Variants in PRKAR2A observed in about 807,000 individuals in gnomAD.
PRKAR2A encodes the protein protein kinase cAMP-dependent type II regulatory subunit alpha, also known as cAMP-dependent protein kinase type II-alpha regulatory subunit.
In PRKAR2A, 29 loss-of-function variants were observed where a neutral mutation model predicts 51.9. That is an observed-to-expected ratio of 0.56 (90% confidence interval 0.42 to 0.76). PRKAR2A has a LOEUF of 0.76. Ranked by LOEUF, PRKAR2A falls within the 30% of genes least tolerant of loss-of-function variation. The pLI is 0.00. For missense variants in PRKAR2A, 445 were observed against 512.1 expected (o/e 0.87, Z 1.26); for synonymous variants, 178 against 186.2 (o/e 0.96, Z 0.36).
rs765609804 is a variant in PRKAR2A at position 48,800,104 on chromosome 3, C to T, written c.299-6055G>A. ...TGAACTCCTGACCTTGTGATCCACC[C>T]GCCTTGGCCTCCCAAAGTGCTGGGA... On this transcript the variant is annotated intron_variant, in intron 2 of 10. Coordinates refer to ENST00000265563, the MANE Select transcript of PRKAR2A (RefSeq NM_004157.4). Among the ~76,000 whole-genome samples, 3 of 151,836 alleles carry T rather than the reference C, an allele frequency of 2.0e-5. No individual in the cohort carries two copies. In the East Asian group the frequency reaches 5.9e-4, roughly 30 times the overall value.
At chr3:48,818,656 A>C (rs1364438540) in intron 1 of PRKAR2A, among the ~76,000 whole-genome samples, 2 of 152,030 alleles carry the variant, frequency 1.3e-5, no homozygotes, top group African/African-American at 4.8e-5. Context: ...TGGGAGGCTG[A>C]GGTGGGAGGA....
Position 48,783,121 on chromosome 3 carries a change from T to C in PRKAR2A, c.436-29A>G, listed in dbSNP as rs374213032. On this transcript the variant is annotated intron_variant, in intron 4 of 10. Transcript: ENST00000265563. ...CAGGGTATGCACAAGAAGAAAAAAA[T>C]AGCCTTTACATATGCTGAAAAAAAG... The C allele has an allele frequency of 8.6e-4, 1,262 of 1,462,986 alleles. 21 individuals carry two copies. The South Asian group carries it at 0.013, about 15-fold the overall frequency. 90.6% of individuals were successfully genotyped at this position (1,462,986 alleles called of 1,614,324 possible).
At chr3:48,800,192 T>C (rs1028159161) in intron 2 of PRKAR2A, among the ~76,000 whole-genome samples, 6 of 150,800 alleles carry the variant, frequency 4.0e-5, no homozygotes, top group Admixed American at 2.0e-4. Flanking sequence ...AAAATCATAC[T>C]AACATTTCCA....
intron 2 of PRKAR2A, 147 bp downstream of exon 2, chr3:48,807,502 A>C: frequency 1.6e-6 from 1 of 636,876 alleles, no homozygotes; most frequent in Non-Finnish European, 2.7e-6. Flanking sequence ...TTAAAATAAA[A>C]ACAGAATAAA....
At chr3:48,758,176 T>C (rs1310654955) in intron 8 of PRKAR2A, among the ~76,000 whole-genome samples, 1 of 150,504 alleles carries the variant, frequency 6.6e-6, no homozygotes, top group Non-Finnish European at 1.5e-5. Context: ...AAGAATCACT[T>C]AAACCTGGGA....
intron 5 of PRKAR2A, among the ~76,000 whole-genome samples, chr3:48,777,882 A>G (rs1295795006): frequency 6.6e-6 from 1 of 152,160 alleles, no homozygotes; most frequent in East Asian, 1.9e-4. Flanking sequence ...AGGCAAAATA[A>G]GCTTATAAAT....
In PRKAR2A at chr3:48,746,961, A is replaced by C. The variant is rs1402533515; in HGVS notation, c.*4624T>G. ...TTATTACAGTGAGCTTAAAAAAACA[A>C]CACGGAATCTACCCTTTGCTCAAGG... On this transcript the variant is annotated 3_prime_UTR_variant, in exon 11 of 11. Transcript: ENST00000265563. The C allele has an allele frequency of 1.3e-5, 2 of 152,036 alleles. No homozygotes were observed. Among genetic ancestry groups the C allele is most frequent in the Non-Finnish European group, 2.9e-5 (2 of 68,010 alleles). The allele number at this position is 152,036 out of a possible 1,614,324, so 9.4% of individuals were successfully genotyped here.
Position 48,765,335 on chromosome 3 carries a change from A to G in PRKAR2A, c.711T>C (p.Phe237=). The G allele has an allele frequency of 6.2e-7, 1 of 1,608,118 alleles. No homozygotes were observed. Among genetic ancestry groups the G allele is most frequent in the Non-Finnish European group, 8.5e-7 (1 of 1,176,852 alleles). The part of the protein sequence containing the change: ...GSLWGLDRVT[F]RRIIVKNNAK... ...CATTATTTTTCACTATGATTCTTCT[A>G]AAAGTCACCCGGTCCTACAAGAAAG... Residue 237 remains phenylalanine (F), a synonymous_variant, in exon 7 of 11, where the codon TTT becomes TTC. Coordinates refer to ENST00000265563, the MANE Select transcript of PRKAR2A (RefSeq NM_004157.4).
intron 2 of PRKAR2A, among the ~76,000 whole-genome samples, chr3:48,797,901 G>A (rs2082520555): frequency 6.6e-6 from 1 of 152,090 alleles, no homozygotes; most frequent in Admixed American, 6.6e-5. Context: ...CATTATCTCA[G>A]TTCTTCCCTA....
intron 1 of PRKAR2A, among the ~76,000 whole-genome samples, chr3:48,825,028 C>CT (rs1168503342): frequency 0.015 from 1,136 of 74,660 alleles, 42 homozygotes; most frequent in African/African-American, 0.041. Flanking sequence ...ATTTTCTTTT[C>CT]TTTTTTTTTT....
At position 48,788,369 on chromosome 3, in the gene PRKAR2A, G is replaced by A. The variant is rs577252707; in HGVS notation, c.435+2175C>T. Among the ~76,000 whole-genome samples the A allele has an allele frequency of 3.0e-4, 45 of 152,112 alleles. No individual in the cohort carries two copies. The South Asian group carries it at 9.3e-3, about 32-fold the overall frequency. ...AGTAGAGACGGGGTTTCACCATGTT[G>A]GCCAGACTGGTCTTGAATTTCTGAC... On this transcript the variant is annotated intron_variant, in intron 4 of 10. Coordinates refer to ENST00000265563, the MANE Select transcript of PRKAR2A (RefSeq NM_004157.4).
intron 1 of PRKAR2A, among the ~76,000 whole-genome samples, chr3:48,812,121 CAAT>C (rs1435528732): frequency 6.7e-6 from 1 of 150,056 alleles, no homozygotes; most frequent in Non-Finnish European, 1.5e-5. Flanking sequence ...AATTATATCT[CAAT>C]AAAGCTCTGA....
chr3:48,795,637 A>G (rs576584497), intron 2 of PRKAR2A, among the ~76,000 whole-genome samples: 6 of 152,282 alleles, frequency 3.9e-5, no homozygotes, highest in Admixed American at 3.9e-4. Context: ...CCCTGTTTCA[A>G]GTTATTCTCC....
intron 1 of PRKAR2A, among the ~76,000 whole-genome samples, chr3:48,822,834 T>C (rs2107409187): frequency 6.6e-6 from 1 of 151,778 alleles, no homozygotes; most frequent in African/African-American, 2.4e-5. Context: ...CAATATTGTT[T>C]AAAAGCTCCC....
rs1014336976 is a variant in PRKAR2A, at chr3:48,750,648, A to G, written c.*937T>C. On this transcript the variant is annotated 3_prime_UTR_variant, in exon 11 of 11. Transcript: ENST00000265563. ...TACAACCTCTTTCCAGCATACTGCC[A>G]TCAGCTAGTAGAGGCAACTGCAAAC... The G allele has an allele frequency of 1.3e-5, 2 of 152,690 alleles. No individual in the cohort carries two copies. Among genetic ancestry groups the G allele is most frequent in the African/African-American group, 2.4e-5 (1 of 41,478 alleles). The allele number at this position is 152,690 out of a possible 1,614,324, so 9.5% of individuals were successfully genotyped here.
chr3:48,747,372 T>C lies in PRKAR2A; in HGVS notation c.*4213A>G, dbSNP rs2081575467. 6.6e-6 allele frequency: 1 copy of C among 152,222 alleles called. No homozygotes were observed. The highest frequency in any genetic ancestry group is 1.5e-5 in the Non-Finnish European group (1 of 68,036). 9.4% of individuals were successfully genotyped at this position (152,222 alleles called of 1,614,324 possible). The stretch of plus-strand genomic sequence containing the variant: ...GAATTAGAGGGTAGCTTGTACACTG[T>C]GACATGACATGAAATGCTGTGTGCC... On this transcript the variant is annotated 3_prime_UTR_variant, in exon 11 of 11. Coordinates refer to ENST00000265563, the MANE Select transcript of PRKAR2A (RefSeq NM_004157.4).
At chr3:48,837,690 C>T (rs1222087042) in intron 1 of PRKAR2A, among the ~76,000 whole-genome samples, 2 of 151,806 alleles carry the variant, frequency 1.3e-5, no homozygotes, top group African/African-American at 2.4e-5. Flanking sequence ...ATCTATATGT[C>T]CATCAACATA....
chr3:48,815,425 G>A (rs528494558), intron 1 of PRKAR2A, among the ~76,000 whole-genome samples: 7 of 151,524 alleles, frequency 4.6e-5, no homozygotes, highest in Admixed American at 1.3e-4. Context: ...GGACGGGCAC[G>A]GTGGCTCACA....
chr3:48,751,809 T>C (rs750396344), intron 10 of PRKAR2A, 91 bp from the exon 11 acceptor site: 60 of 1,464,132 alleles, frequency 4.1e-5, no homozygotes, highest in Admixed American at 1.2e-4. Context: ...TCATGTTGTA[T>C]GAGATTACGC....
Sources: allele counts gnomAD v4.1 joint callset (sites outside exome capture counted in the v4.1 genomes callset), GRCh38; gene constraint gnomAD v4.1.1; transcripts MANE v1.5; gene names NCBI Gene and HGNC (gene_info 2026-07-23, HGNC 2026-07-21).